AARS1: variants seen among roughly 807,000 people sequenced by gnomAD.
AARS1 encodes the protein alanine--tRNA ligase, cytoplasmic.
In AARS1, 72 loss-of-function variants were observed where a neutral mutation model predicts 108.9. The observed-to-expected ratio is 0.66, with a 90% CI of 0.55 to 0.80. AARS1 has a LOEUF of 0.80. Ranked by LOEUF, AARS1 falls within the 30% of genes least tolerant of loss-of-function variation. The pLI, the probability that AARS1 is intolerant of heterozygous loss-of-function variation, is 0.00. For synonymous variants in AARS1, 489 were observed against 465.7 expected, an observed-to-expected ratio of 1.05 and a Z score of -0.64; for missense variants, 1,193 against 1,233.2, an observed-to-expected ratio of 0.97 and a Z score of 0.49.
chr16:70,287,139 T>C (rs1256236665), intron 1 of AARS1, among the ~76,000 whole-genome samples: 2 of 146,678 alleles, frequency 1.4e-5, no homozygotes, highest in South Asian at 4.3e-4. Context: ...TAGTCCCAGC[T>C]AGCTACTCGG....
At chr16:70,286,191 G>A (rs979412245) in intron 1 of AARS1, among the ~76,000 whole-genome samples, 1 of 151,666 alleles carries the variant, frequency 6.6e-6, no homozygotes. Context: ...ATATTTATTC[G>A]ATATAAATTC....
At chr16:70,263,905 G>A (rs1294113155) in intron 11 of AARS1, among the ~76,000 whole-genome samples, 1 of 152,072 alleles carries the variant, frequency 6.6e-6, no homozygotes, top group Non-Finnish European at 1.5e-5. Context: ...CCGAAGTGCT[G>A]GGATTACAGG....
chr16:70,256,299 T>C (rs1281382990), intron 15 of AARS1, among the ~76,000 whole-genome samples: 1 of 152,140 alleles, frequency 6.6e-6, no homozygotes, highest in South Asian at 2.1e-4. Context: ...GAAGATAGTA[T>C]AGTTTTTTTT....
intron 2 of AARS1, 30 bp downstream of exon 2, chr16:70,282,590 A>G (rs1281359166): frequency 1.2e-6 from 2 of 1,613,638 alleles, no homozygotes; most frequent in South Asian, 2.2e-5. Context: ...TATGTGAACC[A>G]AAAGCCAAGA....
chr16:70,265,394 G>A, intron 10 of AARS1, 144 bp downstream of exon 10: 1 of 1,307,738 alleles, frequency 7.6e-7, no homozygotes, highest in Non-Finnish European at 1.1e-6. Context: ...CTGGAAGGCA[G>A]ACTCGCCCCC....
chr16:70,279,678 A>C (rs1960647042), intron 2 of AARS1, among the ~76,000 whole-genome samples: 1 of 151,162 alleles, frequency 6.6e-6, no homozygotes, highest in South Asian at 2.1e-4. Flanking sequence ...AACAAAAAAA[A>C]AAAAAAAAAG....
At position 70,267,754 on chromosome 16, in the gene AARS1, TTAA is replaced by T; in HGVS notation, c.1124_1126del (p.Ile375del). ...CTTGAGAAACTGCACCTCTTCTTCA[TTAA>T]TGATGTCCTTCACCATGTCTGGGTC... On this transcript the variant is annotated inframe_deletion, in exon 9 of 21. Transcript: ENST00000261772. 2 of 1,614,192 alleles carry T rather than the reference TTAA, an allele frequency of 1.2e-6. No homozygotes were observed. The highest frequency in any genetic ancestry group is 1.7e-6 in the Non-Finnish European group (2 of 1,180,032).
intron 2 of AARS1, among the ~76,000 whole-genome samples, chr16:70,280,036 A>G (rs1026241633): frequency 1.3e-5 from 2 of 152,022 alleles, no homozygotes; most frequent in African/African-American, 4.8e-5. Context: ...GGTGTGAGCC[A>G]CCACCAGCTA....
intron 12 of AARS1, among the ~76,000 whole-genome samples, chr16:70,262,053 G>C (rs556860610): frequency 7.4e-4 from 113 of 152,304 alleles, no homozygotes; most frequent in African/African-American, 2.3e-3. Flanking sequence ...CAGAGCTCGA[G>C]GCTGAGTTTT....
intron 7 of AARS1, 63 bp downstream of exon 7, chr16:70,269,555 A>G (rs959209335): frequency 5.0e-6 from 8 of 1,603,956 alleles, no homozygotes; most frequent in African/African-American, 2.7e-5. Flanking sequence ...AAAGTTTCAT[A>G]AAGAGTCACA....
In AARS1 at chr16:70,262,508, C is replaced by T. The variant is rs138406510; in HGVS notation, c.1509G>A (p.Val503=). ...SSGSYVFENT[V]ATVMALRREK... is the part of the protein sequence containing the mutation. ...CCCTGCGCAGAGCCATCACCGTAGC[C>T]ACTGTGTTCTCAAATACTGCTCAAG... The change falls in exon 12 of 21, where the codon GTG becomes GTA. Residue 503 remains valine, a synonymous_variant. Transcript: ENST00000261772. 197 of 1,613,188 alleles carry T rather than the reference C, an allele frequency of 1.2e-4. 1 individual carries two copies. Among genetic ancestry groups the T allele is most frequent in the East Asian group, 9.6e-4 (43 of 44,848 alleles).
intron 1 of AARS1, among the ~76,000 whole-genome samples, chr16:70,285,198 C>G (rs1303961001): frequency 6.6e-6 from 1 of 151,156 alleles, no homozygotes; most frequent in Non-Finnish European, 1.5e-5. Flanking sequence ...CACTGCACTC[C>G]AGCCTGGGTG....
chr16:70,279,670 C>CAAAA (rs367753826), intron 2 of AARS1, among the ~76,000 whole-genome samples: 11 of 114,590 alleles, frequency 9.6e-5, no homozygotes, highest in Non-Finnish European at 1.2e-4. Context: ...CAAAAAAAAA[C>CAAAA]AAAAAAAAAA....
intron 3 of AARS1, 150 bp downstream of exon 3, chr16:70,276,816 A>G: frequency 8.8e-7 from 1 of 1,140,604 alleles, no homozygotes; most frequent in Non-Finnish European, 1.3e-6. Context: ...TACTACTTCC[A>G]GGAAGTCTTA....
intron 11 of AARS1, 150 bp from the exon 12 acceptor site, chr16:70,262,674 T>A: frequency 3.4e-6 from 3 of 894,340 alleles, no homozygotes; most frequent in South Asian, 3.7e-5. Context: ...TTAGACAATA[T>A]GAAAGGGCTT....
intron 2 of AARS1, among the ~76,000 whole-genome samples, chr16:70,279,002 C>G (rs542183256): frequency 1.3e-5 from 2 of 152,178 alleles, no homozygotes; most frequent in Non-Finnish European, 2.9e-5. Context: ...GGACACAGAG[C>G]AGCGCCTGGC....
At chr16:70,273,544 C>G (rs893775738) in intron 4 of AARS1, among the ~76,000 whole-genome samples, 2 of 152,008 alleles carry the variant, frequency 1.3e-5, no homozygotes, top group East Asian at 1.9e-4. Context: ...ATAGCAAAAC[C>G]CTGTCCCTAC....
At chr16:70,261,775 T>C (rs1960139122) in intron 12 of AARS1, among the ~76,000 whole-genome samples, 1 of 150,558 alleles carries the variant, frequency 6.6e-6, no homozygotes, top group Admixed American at 6.6e-5. Context: ...GTTCAAGCGA[T>C]TCTCCCCTCT....
intron 5 of AARS1, among the ~76,000 whole-genome samples, chr16:70,270,915 G>A (rs1278021167): frequency 6.6e-5 from 10 of 151,562 alleles, no homozygotes; most frequent in South Asian, 4.2e-4. Context: ...TTGGGAGGCC[G>A]AGGCGGGGGA....
Sources: allele counts gnomAD v4.1 joint callset (sites outside exome capture counted in the v4.1 genomes callset), GRCh38; gene constraint gnomAD v4.1.1; transcripts MANE v1.5; gene names NCBI Gene and HGNC (gene_info 2026-07-23, HGNC 2026-07-21).